Variants in SEMA6A observed in about 807,000 individuals in gnomAD.
SEMA6A encodes semaphorin 6A.
Under a neutral mutation model 96.8 loss-of-function variants are expected in SEMA6A, and 25 were observed. The observed-to-expected ratio is 0.26, with a 90% CI of 0.19 to 0.36. SEMA6A has a LOEUF of 0.36. Among genes scored for constraint, SEMA6A ranks in the 10% least tolerant of loss-of-function variants. The pLI, the probability that SEMA6A is intolerant of heterozygous loss-of-function variation, is 1.00. For synonymous variants in SEMA6A, 612 were observed against 518.0 expected, an observed-to-expected ratio of 1.18 and a Z score of -2.46; for missense variants, 1,363 against 1,323.1, an observed-to-expected ratio of 1.03 and a Z score of -0.47.
At chr5:116,468,538 A>G (rs932294053) in intron 17 of SEMA6A, 3 of 152,256 alleles carry the variant, frequency 2.0e-5, no homozygotes, top group Non-Finnish European at 2.9e-5. Context: ...ATAAGCTACC[A>G]TAGGATAATA....
intron 1 of SEMA6A, among the ~76,000 whole-genome samples, chr5:116,572,553 G>T (rs1761266156): frequency 6.6e-6 from 1 of 152,188 alleles, no homozygotes; most frequent in African/African-American, 2.4e-5. Context: ...TCGTGCGCAG[G>T]GAGCAGATGG....
rs1373643346 is a variant in SEMA6A, at chr5:116,445,298, G to A, written c.*1315C>T. The stretch of plus-strand genomic sequence containing the variant: ...AGTTTACAAGTGTACACAACTCAAG[G>A]TGTAAGGCACAAATTTACATGTGGA... On this transcript the variant is annotated 3_prime_UTR_variant, in exon 19 of 19. Transcript: ENST00000343348. The A allele has an allele frequency of 6.6e-6, 1 of 152,650 alleles. No individual in the cohort carries two copies. Among genetic ancestry groups the A allele is most frequent in the African/African-American group, 2.4e-5 (1 of 41,460 alleles). The allele number at this position is 152,650 out of a possible 1,614,324, so 9.5% of individuals were successfully genotyped here. A position where few individuals can be genotyped will look rare whatever the true frequency, so the allele number is the denominator to read the frequency against.
intron 1 of SEMA6A, among the ~76,000 whole-genome samples, chr5:116,562,036 TCTAA>T (rs766592248): frequency 7.9e-4 from 121 of 152,312 alleles, no homozygotes; most frequent in Non-Finnish European, 1.4e-3. Context: ...CTCTGCTCTT[TCTAA>T]CTTTTGACAT....
rs1757564542 is a variant in SEMA6A, at chr5:116,495,710, A to C, written c.343-196T>G. 3 of 531,470 alleles carry C rather than the reference A, an allele frequency of 5.6e-6. No homozygotes were observed. The South Asian group carries it at 7.3e-5, about 13-fold the overall frequency. The allele number at this position is 531,470 out of a possible 1,614,324, so 32.9% of individuals were successfully genotyped here. On this transcript the variant is annotated intron_variant, in intron 5 of 18. Coordinates refer to ENST00000343348, the MANE Select transcript of SEMA6A (RefSeq NM_020796.5). ...AACGATTACTCTTTCAACGTAAATA[A>C]AAACAAAGCATAGAATGGAAGATTG...
intron 1 of SEMA6A, among the ~76,000 whole-genome samples, chr5:116,559,249 G>T (rs1246326235): frequency 6.6e-6 from 1 of 152,148 alleles, no homozygotes; most frequent in Non-Finnish European, 1.5e-5. Context: ...TAGGACTAGT[G>T]AAAGATTCTC....
At chr5:116,523,272 CT>C (rs760029890) in intron 1 of SEMA6A, among the ~76,000 whole-genome samples, 23 of 152,080 alleles carry the variant, frequency 1.5e-4, no homozygotes, top group Non-Finnish European at 2.9e-4. Flanking sequence ...TCACATTATG[CT>C]TTTTCTCTTG....
chr5:116,471,241 C>T (rs976258084), intron 17 of SEMA6A: 26 of 152,100 alleles, frequency 1.7e-4, no homozygotes, highest in Middle Eastern at 3.4e-3. Flanking sequence ...AGTGTTAACA[C>T]GGAAGCATTA....
At position 116,443,600 on chromosome 5, in the gene SEMA6A, C is replaced by G. The variant is rs1348372636; in HGVS notation, c.*3013G>C. 6.6e-6 allele frequency: 1 copy of G among 152,530 alleles called. No individual in the cohort carries two copies. Among genetic ancestry groups the G allele is most frequent in the African/African-American group, 2.4e-5 (1 of 41,430 alleles). 9.4% of individuals were successfully genotyped at this position (152,530 alleles called of 1,614,324 possible). On this transcript the variant is annotated 3_prime_UTR_variant, in exon 19 of 19. Coordinates refer to ENST00000343348, the MANE Select transcript of SEMA6A (RefSeq NM_020796.5). ...TTATTACTTTTAAGTAATAAAGAGCCTTTTCCTTGCTTTTCTTTTTTCCCT... is the reference window on the plus strand; with the variant it reads ...TTATTACTTTTAAGTAATAAAGAGCGTTTTCCTTGCTTTTCTTTTTTCCCT...
intron 18 of SEMA6A, among the ~76,000 whole-genome samples, chr5:116,455,145 A>G (rs1294511302): frequency 6.6e-6 from 1 of 152,182 alleles, no homozygotes; most frequent in African/African-American, 2.4e-5. Context: ...TTTAGAGAAG[A>G]AACAGCTTCA....
intron 1 of SEMA6A, among the ~76,000 whole-genome samples, chr5:116,531,982 C>T (rs1182799407): frequency 6.6e-6 from 1 of 152,138 alleles, no homozygotes. Context: ...AATAGGGGAA[C>T]AACACAGAGG....
At chr5:116,472,849 C>G in intron 17 of SEMA6A, 1 of 1,401,848 alleles carries the variant, frequency 7.1e-7, no homozygotes, top group Non-Finnish European at 9.4e-7. Context: ...AATGACTTCA[C>G]GAATTTAAAA....
intron 2 of SEMA6A, chr5:116,502,603 C>A (rs564158243): frequency 5.4e-6 from 2 of 367,598 alleles, no homozygotes; most frequent in East Asian, 5.3e-5. Context: ...TTTCTCAGGG[C>A]TCAACTCGCT....
At chr5:116,564,034 C>G (rs919603487) in intron 1 of SEMA6A, among the ~76,000 whole-genome samples, 4 of 152,182 alleles carry the variant, frequency 2.6e-5, no homozygotes, top group Non-Finnish European at 5.9e-5. Context: ...CCTAGAAGCC[C>G]GGTGAAACCA....
chr5:116,535,735 G>A (rs927232279), intron 1 of SEMA6A, among the ~76,000 whole-genome samples: 4 of 152,168 alleles, frequency 2.6e-5, no homozygotes. Flanking sequence ...ATAACTGCAG[G>A]TGTGGAGCTT....
At chr5:116,559,116 C>T (rs1760712702) in intron 1 of SEMA6A, among the ~76,000 whole-genome samples, 1 of 152,152 alleles carries the variant, frequency 6.6e-6, no homozygotes, top group African/African-American at 2.4e-5. Context: ...TATTAGCCAC[C>T]TCATATTATG....
chr5:116,530,675 T>C (rs1293960919), intron 1 of SEMA6A, among the ~76,000 whole-genome samples: 34 of 152,176 alleles, frequency 2.2e-4, no homozygotes, highest in Non-Finnish European at 4.4e-4. Flanking sequence ...TAAAACTGTT[T>C]GGACTTCTGA....
intron 18 of SEMA6A, among the ~76,000 whole-genome samples, chr5:116,464,114 A>G (rs1755579960): frequency 1.3e-5 from 2 of 152,208 alleles, no homozygotes; most frequent in African/African-American, 2.4e-5. Flanking sequence ...CTAAAAATAA[A>G]CTGGATTTTC....
intron 1 of SEMA6A, among the ~76,000 whole-genome samples, chr5:116,568,795 A>ATG (rs1761104182): frequency 6.6e-6 from 1 of 150,824 alleles, no homozygotes; most frequent in Non-Finnish European, 1.5e-5. Context: ...TGCATGAGCC[A>ATG]TACCACCTAT....
chr5:116,540,343 T>C (rs967538992), intron 1 of SEMA6A, among the ~76,000 whole-genome samples: 14 of 152,232 alleles, frequency 9.2e-5, no homozygotes, highest in African/African-American at 3.4e-4. Flanking sequence ...TACAAACTTA[T>C]GCTTGCACAG....
Sources: gnomAD v4.1 joint callset for allele counts (sites outside exome capture counted in the v4.1 genomes callset) on GRCh38, gnomAD v4.1.1 for gene constraint, MANE v1.5 for transcripts, NCBI Gene and HGNC (gene_info 2026-07-23, HGNC 2026-07-21) for gene names.